CSMD1: variants seen among roughly 807,000 people sequenced by gnomAD.
The protein encoded by CSMD1 is CUB and Sushi multiple domains 1.
A neutral mutation model predicts 417.5 loss-of-function variants in CSMD1; 213 were observed. The observed-to-expected ratio is 0.51, with a 90% CI of 0.46 to 0.57. The LOEUF is 0.57. Among genes scored for constraint, CSMD1 ranks in the 20% least tolerant of loss-of-function variants. The probability of loss-of-function intolerance (pLI) is 0.00; values close to 1 mark genes in which losing one functional copy is unlikely to be tolerated. For synonymous variants in CSMD1, 2,862 were observed against 1,736.8 expected (o/e 1.65, Z -16.11); for missense variants, 6,923 against 4,529.7 (o/e 1.53, Z -15.17).
chr8:3,839,620 C>G (rs1326340412), intron 5 of CSMD1, among the ~76,000 whole-genome samples: 1 of 139,740 alleles, frequency 7.2e-6, no homozygotes, highest in Non-Finnish European at 1.5e-5. Flanking sequence ...CCACTGCACT[C>G]CAGCCTGGGC....
chr8:4,229,280 T>G (rs575709662), intron 3 of CSMD1, among the ~76,000 whole-genome samples: 1 of 152,272 alleles, frequency 6.6e-6, no homozygotes, highest in African/African-American at 2.4e-5. Flanking sequence ...CCTCCCCACC[T>G]CATTCTTCAG....
At chr8:4,635,798 T>A (rs1171862030) in intron 2 of CSMD1, among the ~76,000 whole-genome samples, 1 of 152,098 alleles carries the variant, frequency 6.6e-6, no homozygotes, top group African/African-American at 2.4e-5. Flanking sequence ...TATATGTAGA[T>A]ACTTTGTTCA....
rs184064095 is a variant in CSMD1, at chr8:3,719,140, G to A, written c.932-10649C>T. ...ATTTTGTGTCCTGTTCTATTAACTC[G>A]TTCTTCTTTTCTATACTTCGTTGCA... On this transcript the variant is annotated intron_variant, in intron 6 of 69. Transcript: ENST00000635120. Among the ~76,000 whole-genome samples, 320 of 152,162 alleles carry A rather than the reference G, an allele frequency of 2.1e-3. 3 individuals are homozygous for A. The highest frequency in any genetic ancestry group is 9.4e-4 in the Non-Finnish European group (64 of 67,984).
intron 10 of CSMD1, among the ~76,000 whole-genome samples, chr8:3,510,541 T>C (rs1797021173): frequency 6.6e-6 from 1 of 151,816 alleles, no homozygotes; most frequent in Admixed American, 6.5e-5. Context: ...AGAGGTCAAA[T>C]GAAGCAACAT....
intron 5 of CSMD1, among the ~76,000 whole-genome samples, chr8:3,923,180 A>G (rs1809399431): frequency 6.6e-6 from 1 of 152,122 alleles, no homozygotes; most frequent in South Asian, 2.1e-4. Flanking sequence ...TCTCCTCATC[A>G]GTGCACTAAT....
intron 3 of CSMD1, among the ~76,000 whole-genome samples, chr8:4,206,914 G>C (rs966408663): frequency 4.6e-5 from 7 of 152,096 alleles, no homozygotes; most frequent in Admixed American, 6.6e-5. Context: ...ATAATTTAGA[G>C]TTGGGCAAAT....
intron 1 of CSMD1, among the ~76,000 whole-genome samples, chr8:4,752,040 A>G (rs1438425712): frequency 1.3e-5 from 2 of 152,142 alleles, no homozygotes; most frequent in African/African-American, 4.8e-5. Flanking sequence ...ATGTATATGC[A>G]AACTGTGTAT....
At chr8:3,721,325 T>C (rs1407362107) in intron 6 of CSMD1, among the ~76,000 whole-genome samples, 5 of 152,168 alleles carry the variant, frequency 3.3e-5, no homozygotes. Context: ...AGTGAGTGTG[T>C]GTGGCTGTGG....
chr8:3,430,711 G>A (rs1046291427), intron 12 of CSMD1, among the ~76,000 whole-genome samples: 12 of 152,110 alleles, frequency 7.9e-5, no homozygotes, highest in African/African-American at 2.7e-4. Flanking sequence ...GGAGGCTGAG[G>A]CAAGAGGATC....
chr8:2,948,669 C>G (rs1051348711), intron 68 of CSMD1, among the ~76,000 whole-genome samples: 1 of 152,070 alleles, frequency 6.6e-6, no homozygotes, highest in African/African-American at 2.4e-5. Flanking sequence ...AGTTCCACTA[C>G]TAAAACAATC....
At chr8:4,358,965 T>C (rs1563091242) in intron 3 of CSMD1, among the ~76,000 whole-genome samples, 1 of 91,464 alleles carries the variant, frequency 1.1e-5, no homozygotes, top group Non-Finnish European at 2.0e-5. Flanking sequence ...CAGAGTCTTG[T>C]GCACACACAC....
chr8:4,677,842 G>A (rs1463931772), intron 1 of CSMD1, among the ~76,000 whole-genome samples: 1 of 152,150 alleles, frequency 6.6e-6, no homozygotes, highest in Non-Finnish European at 1.5e-5. Context: ...GAGGAGAAAC[G>A]AAGCTGAAGA....
chr8:3,015,922 G>A (rs1808790253), intron 52 of CSMD1, among the ~76,000 whole-genome samples: 1 of 152,142 alleles, frequency 6.6e-6, no homozygotes, highest in South Asian at 2.1e-4. Context: ...CCTTGCACCT[G>A]CCCCTTGCAT....
chr8:3,712,069 G>GAATATAT (rs1801538335), intron 6 of CSMD1, among the ~76,000 whole-genome samples: 1 of 152,106 alleles, frequency 6.6e-6, no homozygotes, highest in Admixed American at 6.6e-5. Context: ...CTCCACTAGG[G>GAATATAT]AATATATGTA....
At chr8:4,120,906 A>G (rs1802450308) in intron 3 of CSMD1, among the ~76,000 whole-genome samples, 1 of 152,306 alleles carries the variant, frequency 6.6e-6, no homozygotes, top group Middle Eastern at 3.4e-3. Context: ...GAATTTATTT[A>G]GGAATTCTGT....
intron 3 of CSMD1, among the ~76,000 whole-genome samples, chr8:4,038,608 T>G (rs1478502052): frequency 5.3e-5 from 8 of 152,246 alleles, no homozygotes; most frequent in Non-Finnish European, 5.9e-5. Flanking sequence ...ACATGAAGAA[T>G]TTAGTAAATA....
At chr8:3,334,430 A>G (rs890168122) in intron 23 of CSMD1, among the ~76,000 whole-genome samples, 31 of 152,282 alleles carry the variant, frequency 2.0e-4, no homozygotes, top group African/African-American at 7.5e-4. Context: ...TCTCTCATTT[A>G]TAGTAGTATG....
chr8:4,515,812 G>T (rs1177078827), intron 2 of CSMD1, among the ~76,000 whole-genome samples: 1 of 152,080 alleles, frequency 6.6e-6, no homozygotes, highest in Non-Finnish European at 1.5e-5. Flanking sequence ...CTGATGCCCG[G>T]GTTGTTTATT....
At chr8:4,055,569 A>G (rs190343576) in intron 3 of CSMD1, among the ~76,000 whole-genome samples, 1 of 152,012 alleles carries the variant, frequency 6.6e-6, no homozygotes, top group South Asian at 2.1e-4. Flanking sequence ...AAAGAAGAAG[A>G]GTCAAAATCA....
Sources: allele counts gnomAD v4.1 joint callset (sites outside exome capture counted in the v4.1 genomes callset), GRCh38; gene constraint gnomAD v4.1.1; transcripts MANE v1.5; gene names NCBI Gene and HGNC (gene_info 2026-07-23, HGNC 2026-07-21).